The following USP29 variants were observed in gnomAD, a reference collection of about 807,000 sequenced individuals.
USP29 encodes ubiquitin carboxyl-terminal hydrolase 29.
For missense variants in USP29, 1,102 were observed against 1,069.0 expected (o/e 1.03, Z -0.43); for synonymous variants, 386 against 387.4 (o/e 1.00, Z 0.04).
At chr19:57,127,832 A>T (rs892823942) in intron 3 of USP29, among the ~76,000 whole-genome samples, 13 of 152,282 alleles carry the variant, frequency 8.5e-5, no homozygotes, top group Non-Finnish European at 1.8e-4. Flanking sequence ...GTACAAAAAA[A>T]AATCAACTCT....
rs767761343 is a variant in USP29 at position 57,130,182 on chromosome 19, C to A, written c.1507C>A (p.Leu503Ile). ...SCVARHTFSR[L>I]SRVLIIHLKR... ...TGTTGCAAGGCATACATTTAGTAGG[C>A]TCTCCAGGGTCCTTATCATTCATCT... The change falls in exon 4 of 4, where the codon CTC (leucine) becomes ATC (isoleucine). Residue 503 changes from leucine to isoleucine, a missense_variant. By Grantham distance (5) the Leu-to-Ile change is conservative. Transcript: ENST00000254181. 8 of 1,613,864 alleles carry A rather than the reference C, an allele frequency of 5.0e-6. No homozygotes were observed. The highest frequency in any genetic ancestry group is 3.3e-5 in the South Asian group (3 of 91,056).
chr19:57,123,004 T>C (rs2086805951), intron 2 of USP29, among the ~76,000 whole-genome samples: 1 of 152,314 alleles, frequency 6.6e-6, no homozygotes, highest in African/African-American at 2.4e-5. Context: ...ATTATAATCA[T>C]GGAAGATTTT....
In USP29 at chr19:57,129,684, G is replaced by A; in HGVS notation, c.1009G>A (p.Ala337Thr). The A allele has an allele frequency of 6.2e-7, 1 of 1,614,058 alleles. No homozygotes were observed. The highest frequency in any genetic ancestry group is 1.6e-4 in the Middle Eastern group (1 of 6,062). ...ALIMTLTQLLALKDFCSTKIK... is the reference protein window; with the variant it reads ...ALIMTLTQLLTLKDFCSTKIK... ...TATTATGACCTTGACCCAGCTGCTT[G>A]CTTTGAAAGATTTCTGTAGTACAAA... The change falls in exon 4 of 4, where the codon GCT (alanine) becomes ACT (threonine). Residue 337 changes from alanine (A) to threonine (T), a missense_variant. Transcript: ENST00000254181.
In USP29 at chr19:57,130,231, C is replaced by T. The variant is rs1599918654; in HGVS notation, c.1556C>T (p.Ala519Val). ...CTGAAACGCTATAGCTTCAACAATG[C>T]TTGGTTGCTGGTGAAGAATAACGAG... ...IHLKRYSFNN[A>V]WLLVKNNEQV... The change falls in exon 4 of 4, where the codon GCT becomes GTT. Residue 519 changes from alanine to valine, a missense_variant. By Grantham distance (64) the Ala-to-Val change is moderately conservative. Transcript: ENST00000254181. 3 of 1,614,154 alleles carry T rather than the reference C, an allele frequency of 1.9e-6. No homozygotes were observed. The highest frequency in any genetic ancestry group is 2.5e-6 in the Non-Finnish European group (3 of 1,180,016).
intron 3 of USP29, among the ~76,000 whole-genome samples, chr19:57,126,687 T>C (rs575455949): frequency 1.2e-4 from 19 of 152,228 alleles, no homozygotes; most frequent in Admixed American, 1.2e-3. Context: ...CTTAGCTTCC[T>C]TGCATTGGGT....
intron 2 of USP29, among the ~76,000 whole-genome samples, 175 bp downstream of exon 2, chr19:57,122,649 C>A (rs995431847): frequency 6.6e-6 from 1 of 151,680 alleles, no homozygotes; most frequent in East Asian, 1.9e-4. Context: ...TCATCTTCTA[C>A]CCTTTATGAG....
intron 2 of USP29, among the ~76,000 whole-genome samples, chr19:57,123,832 C>T (rs1299178746): frequency 1.3e-5 from 2 of 151,920 alleles, no homozygotes; most frequent in African/African-American, 2.4e-5. Context: ...GGGAGGGGCA[C>T]TTTTAGGAAT....
In USP29 at chr19:57,130,814, T is replaced by C; in HGVS notation, c.2139T>C (p.Asn713=). The C allele has an allele frequency of 6.2e-7, 1 of 1,614,170 alleles. No homozygotes were observed. The highest frequency in any genetic ancestry group is 8.5e-7 in the Non-Finnish European group (1 of 1,180,040). The part of the protein sequence containing the change: ...FNFDSVTEST[N]GFYDCKENRI... ...TTGACAGTGTCACTGAGTCCACCAA[T>C]GGCTTTTATGACTGTAAAGAAAACA... Residue 713 remains asparagine (N), a synonymous_variant, in exon 4 of 4, where the codon AAT becomes AAC. Transcript: ENST00000254181.
In USP29 at chr19:57,129,300, A is replaced by G; in HGVS notation, c.625A>G (p.Asn209Asp). 1 of 1,614,200 alleles carries G rather than the reference A, an allele frequency of 6.2e-7. No homozygotes were observed. Among genetic ancestry groups the G allele is most frequent in the Non-Finnish European group, 8.5e-7 (1 of 1,180,032 alleles). Residue 209 changes from asparagine (N) to aspartate (D), a missense_variant, in exon 4 of 4, where the codon AAC becomes GAC. Coordinates refer to ENST00000254181, the MANE Select transcript of USP29 (RefSeq NM_020903.3). ...SLKYIQSNRKNPSSLEDLEKD... is the reference protein window; with the variant it reads ...SLKYIQSNRKDPSSLEDLEKD... ...GAAATATATACAAAGCAATAGGAAG[A>G]ACCCATCAAGTTTAGAGGATTTAGA...
At position 57,131,340 on chromosome 19, in the gene USP29, G is replaced by T. The variant is rs529301377; in HGVS notation, c.2665G>T (p.Glu889Ter). 4 of 1,614,070 alleles carry T rather than the reference G, an allele frequency of 2.5e-6. No individual in the cohort carries two copies. The highest frequency in any genetic ancestry group is 3.3e-5 in the Admixed American group (2 of 60,006). The change falls in exon 4 of 4, where the codon GAG becomes TAG. Residue 889 changes from glutamate (E) to a stop codon, truncating the protein, a stop_gained. Transcript: ENST00000254181. LOFTEE classifies it low-confidence loss of function (END_TRUNC). Reference sequence around the variant, plus strand: ...CTTTTACATGCACAATGGGATTTTTGAGGAGCTGTTAAGAAAAGCAGAGAA... The same window carrying T: ...CTTTTACATGCACAATGGGATTTTTTAGGAGCTGTTAAGAAAAGCAGAGAA... Reference protein sequence around the residue: ...IFFYMHNGIFEELLRKAENSR... With the variant: ...IFFYMHNGIF
rs766545289 is a variant in USP29, at chr19:57,128,870, T to TA, written c.202dup (p.Arg68LysfsTer18). On this transcript the variant is annotated frameshift_variant, in exon 4 of 4. Transcript: ENST00000254181. LOFTEE classifies it low-confidence loss of function (END_TRUNC). Reference sequence around the variant, plus strand: ...TTAGAAGTGTGGTCCTTAGACATTGTAAAAAAAGACAAAGTCACCTGCGTT... The same window carrying TA: ...TTAGAAGTGTGGTCCTTAGACATTGTAAAAAAAAGACAAAGTCACCTGCGTT... The TA allele has an allele frequency of 4.0e-5, 64 of 1,612,820 alleles. No homozygotes were observed. The highest frequency in any genetic ancestry group is 2.5e-4 in the African/African-American group (19 of 74,796).
At chr19:57,122,124 T>G (rs1368572144) in intron 1 of USP29, among the ~76,000 whole-genome samples, 1 of 152,216 alleles carries the variant, frequency 6.6e-6, no homozygotes. Flanking sequence ...AAATAAAAGT[T>G]TTTAATTACC....
chr19:57,129,700 G>A lies in USP29; in HGVS notation c.1025G>A (p.Cys342Tyr), dbSNP rs1368779950. The part of the protein sequence containing the change: ...LTQLLALKDF[C>Y]STKIKRELLG... ...CAGCTGCTTGCTTTGAAAGATTTCT[G>A]TAGTACAAAGATCAAGAGAGAATTA... The change falls in exon 4 of 4, where the codon TGT (cysteine) becomes TAT (tyrosine). Residue 342 changes from cysteine (C) to tyrosine (Y), a missense_variant. Coordinates refer to ENST00000254181, the MANE Select transcript of USP29 (RefSeq NM_020903.3). 1.2e-6 allele frequency: 2 copies of A among 1,613,936 alleles called. No individual in the cohort carries two copies. Among genetic ancestry groups the A allele is most frequent in the Admixed American group, 1.7e-5 (1 of 59,970 alleles).
At position 57,129,368 on chromosome 19, in the gene USP29, C is replaced by A; in HGVS notation, c.693C>A (p.Asn231Lys). ...DLKLGPSFNT[N>K]CNGNPNLDET... is the part of the protein sequence containing the mutation. Reference sequence around the variant, plus strand: ...AACTCGGGCCTTCATTCAATACCAACTGTAATGGAAATCCTAACCTAGATG... The same window carrying A: ...AACTCGGGCCTTCATTCAATACCAAATGTAATGGAAATCCTAACCTAGATG... Residue 231 changes from asparagine to lysine, a missense_variant, in exon 4 of 4, where the codon AAC (asparagine) becomes AAA (lysine). Transcript: ENST00000254181. The A allele has an allele frequency of 1.2e-6, 2 of 1,614,184 alleles. No individual in the cohort carries two copies. The highest frequency in any genetic ancestry group is 1.3e-5 in the African/African-American group (1 of 75,060).
At chr19:57,125,629 C>A (rs1442335516) in intron 3 of USP29, among the ~76,000 whole-genome samples, 2 of 151,982 alleles carry the variant, frequency 1.3e-5, no homozygotes, top group Non-Finnish European at 2.9e-5. Context: ...AATATTCCTC[C>A]ATCCCTTTAT....
intron 1 of USP29, among the ~76,000 whole-genome samples, chr19:57,121,588 A>G: frequency 6.8e-6 from 1 of 146,322 alleles, no homozygotes; most frequent in East Asian, 2.0e-4. Flanking sequence ...TATGTATGTT[A>G]TATATACTTA....
At chr19:57,128,531 A>T (rs1599917349) in intron 3 of USP29, 129 bp from the exon 4 acceptor site, 1 of 993,910 alleles carries the variant, frequency 1.0e-6, no homozygotes, top group East Asian at 2.9e-5. Flanking sequence ...TTAGCACCCC[A>T]AAAGAGTATT....
chr19:57,131,217 T>A lies in USP29; in HGVS notation c.2542T>A (p.Phe848Ile), dbSNP rs1000849117. 4 of 1,614,230 alleles carry A rather than the reference T, an allele frequency of 2.5e-6. No individual in the cohort carries two copies. In the African/African-American group the frequency reaches 5.3e-5, roughly 22 times the overall value. ...SGHYISDVYD[F>I]QKQAWFTYND... ...CCATTACATCAGCGATGTGTATGAC[T>A]TTCAGAAGCAGGCCTGGTTCACATA... The change falls in exon 4 of 4, where the codon TTT becomes ATT. Residue 848 changes from phenylalanine to isoleucine, a missense_variant. Coordinates refer to ENST00000254181, the MANE Select transcript of USP29 (RefSeq NM_020903.3).
chr19:57,129,630 C>A lies in USP29; in HGVS notation c.955C>A (p.Pro319Thr), dbSNP rs1306100646. The A allele has an allele frequency of 1.2e-6, 2 of 1,614,150 alleles. No homozygotes were observed. The highest frequency in any genetic ancestry group is 1.1e-5 in the South Asian group (1 of 91,080). ...TGATGACTTACTCACTCAAGGTGTC[C>A]CATGGGAATATATTCCCTTTGAGGC... is the stretch of plus-strand genomic sequence containing the variant. ...FADDLLTQGV[P>T]WEYIPFEALI... The change falls in exon 4 of 4, where the codon CCA becomes ACA. Residue 319 changes from proline (P) to threonine (T), a missense_variant. Physicochemically the swap from Pro to Thr is conservative, Grantham distance 38 (BLOSUM62 -1). Coordinates refer to ENST00000254181, the MANE Select transcript of USP29 (RefSeq NM_020903.3).
Sources: gnomAD v4.1 joint callset for allele counts (sites outside exome capture counted in the v4.1 genomes callset) on GRCh38, gnomAD v4.1.1 for gene constraint, MANE v1.5 for transcripts, NCBI Gene and HGNC (gene_info 2026-07-23, HGNC 2026-07-21) for gene names.